Variants in RLBP1 observed in about 807,000 individuals in gnomAD.
The protein encoded by RLBP1 is retinaldehyde binding protein 1, also known as retinaldehyde-binding protein 1.
In RLBP1, 26 loss-of-function variants were observed where a neutral mutation model predicts 36.2. The ratio of observed to expected loss-of-function variants is 0.72; its 90% CI spans 0.53 to 1.00. RLBP1 has a LOEUF of 1.00. RLBP1 is among the 50% of genes least tolerant of loss of function. The probability of loss-of-function intolerance (pLI) is 0.00; values close to 1 mark genes in which losing one functional copy is unlikely to be tolerated. For synonymous variants in RLBP1, 155 were observed against 156.2 expected (o/e 0.99, Z 0.06); for missense variants, 410 against 402.4 (o/e 1.02, Z -0.16).
chr15:89,217,011 G>C (rs2051585690), intron 5 of RLBP1, 109 bp downstream of exon 5: 1 of 1,167,600 alleles, frequency 8.6e-7, no homozygotes, highest in South Asian at 1.3e-5. Context: ...CAGAGAAACT[G>C]ACTTGCCCAC....
rs370900681 is a variant in RLBP1, at chr15:89,210,648, G to T, written c.795+51C>A. On this transcript the variant is annotated intron_variant, in intron 8 of 8. Coordinates refer to ENST00000268125, the MANE Select transcript of RLBP1 (RefSeq NM_000326.5). The surrounding 1 kb of genome is among the most constrained non-coding windows in gnomAD (Gnocchi z 4.7). ...AGAGTGTGAGGAGGGCTCAGGTGAG[G>T]CCCCACCCTCAGCCCTCTTGTCTCA... is the stretch of plus-strand genomic sequence containing the variant. 11 of 1,387,924 alleles carry T rather than the reference G, an allele frequency of 7.9e-6. No individual in the cohort carries two copies. The African/African-American group carries it at 1.3e-4, about 16-fold the overall frequency. 86.0% of individuals were successfully genotyped at this position (1,387,924 alleles called of 1,614,324 possible).
rs2051559483 is a variant in RLBP1 at position 89,214,088 on chromosome 15, A to C, written c.525+972T>G. 6.6e-6 allele frequency among the ~76,000 whole-genome samples: 1 copy of C among 152,234 alleles called. No homozygotes were observed. Among genetic ancestry groups the C allele is most frequent in the South Asian group, 2.1e-4 (1 of 4,834 alleles). ...AGCACATACGAAAATATAAAACATG[A>C]TAAAGATGGCATTTCAAGTCATTGA... On this transcript the variant is annotated intron_variant, in intron 6 of 8. Coordinates refer to ENST00000268125, the MANE Select transcript of RLBP1 (RefSeq NM_000326.5). This position sits in a 1 kb window ranked among gnomAD's most constrained non-coding sequence, Gnocchi z 4.6.
rs943636493 is a variant in RLBP1 at position 89,210,645 on chromosome 15, G to A, written c.795+54C>T. ...GGTAGAGTGTGAGGAGGGCTCAGGT[G>A]AGGCCCCACCCTCAGCCCTCTTGTC... On this transcript the variant is annotated intron_variant, in intron 8 of 8. Transcript: ENST00000268125. This position sits in a 1 kb window ranked among gnomAD's most constrained non-coding sequence, Gnocchi z 4.7. The A allele has an allele frequency of 2.2e-6, 3 of 1,359,476 alleles. No individual in the cohort carries two copies. Among genetic ancestry groups the A allele is most frequent in the Middle Eastern group, 1.8e-4 (1 of 5,632 alleles). 84.2% of individuals were successfully genotyped at this position (1,359,476 alleles called of 1,614,324 possible).
At position 89,215,061 on chromosome 15, in the gene RLBP1, T is replaced by C. The variant is rs758640054; in HGVS notation, c.524A>G (p.Glu175Gly). Residue 175 changes from glutamate to glycine, a missense_variant and splice_region_variant, in exon 6 of 9, where the codon GAG becomes GGG. Transcript: ENST00000268125. ...GGAGCCAGGCGAGCCCCCACTAACC[T>C]CATCAAAGGTGATTTCTTGACTTTG... ...NWQSQEITFD[E>G]ILQAYCFILE... is the part of the protein sequence containing the mutation. The C allele has an allele frequency of 1.9e-6, 3 of 1,614,086 alleles. No individual in the cohort carries two copies. The highest frequency in any genetic ancestry group is 2.2e-5 in the South Asian group (2 of 91,084).
Position 89,218,598 on chromosome 15 carries a change from C to T in RLBP1, c.108G>A (p.Pro36=), listed in dbSNP as rs371167491. ...AGGTGTGGCGGGGCAGCTGGCTGCA[C>T]GGGCCAAAGACAGGTCCATGGTCCT... is the stretch of plus-strand genomic sequence containing the variant. The part of the protein sequence containing the change: ...TTKDHGPVFG[P]CSQLPRHTLQ... The change falls in exon 4 of 9, where the codon CCG becomes CCA. Residue 36 remains proline, a synonymous_variant. Transcript: ENST00000268125. The surrounding 1 kb of genome is among the most constrained non-coding windows in gnomAD (Gnocchi z 4.6). The T allele has an allele frequency of 2.0e-5, 33 of 1,614,028 alleles. No homozygotes were observed. Among genetic ancestry groups the T allele is most frequent in the Admixed American group, 3.3e-5 (2 of 60,000 alleles).
In RLBP1 at chr15:89,214,276, C is replaced by T. The variant is rs991643915; in HGVS notation, c.525+784G>A. Among the ~76,000 whole-genome samples, 2 of 152,102 alleles carry T rather than the reference C, an allele frequency of 1.3e-5. No individual in the cohort carries two copies. The highest frequency in any genetic ancestry group is 4.8e-5 in the African/African-American group (2 of 41,420). ...AGGAGTTTGAGACCAGCCTGGCCAACATGGTGAAACCCCGTCTCTACTAAA... is the reference window on the plus strand; with the variant it reads ...AGGAGTTTGAGACCAGCCTGGCCAATATGGTGAAACCCCGTCTCTACTAAA... On this transcript the variant is annotated intron_variant, in intron 6 of 8. Coordinates refer to ENST00000268125, the MANE Select transcript of RLBP1 (RefSeq NM_000326.5). The surrounding 1 kb of genome is among the most constrained non-coding windows in gnomAD (Gnocchi z 4.6).
At chr15:89,220,552 G>C (rs1490389976) in intron 1 of RLBP1, among the ~76,000 whole-genome samples, 1 of 152,158 alleles carries the variant, frequency 6.6e-6, no homozygotes, top group Non-Finnish European at 1.5e-5. Flanking sequence ...CACACCCCCA[G>C]CAAGCACAGG....
At position 89,214,379 on chromosome 15, in the gene RLBP1, C is replaced by T. The variant is rs1440539779; in HGVS notation, c.525+681G>A. Among the ~76,000 whole-genome samples, 6 of 152,246 alleles carry T rather than the reference C, an allele frequency of 3.9e-5. No homozygotes were observed. The highest frequency in any genetic ancestry group is 1.2e-4 in the African/African-American group (5 of 41,544). ...GGAAGGCTGAGGCTTGAGGATCGCT[C>T]GAACCCAGGAGGCGGAGGTTGCAGT... On this transcript the variant is annotated intron_variant, in intron 6 of 8. Coordinates refer to ENST00000268125, the MANE Select transcript of RLBP1 (RefSeq NM_000326.5). This position sits in a 1 kb window ranked among gnomAD's most constrained non-coding sequence, Gnocchi z 4.6.
At position 89,214,551 on chromosome 15, in the gene RLBP1, G is replaced by T. The variant is rs1210024747; in HGVS notation, c.525+509C>A. Among the ~76,000 whole-genome samples the T allele has an allele frequency of 6.6e-6, 1 of 152,136 alleles. No individual in the cohort carries two copies. The highest frequency in any genetic ancestry group is 1.5e-5 in the Non-Finnish European group (1 of 68,024). ...TTCAGGCTCAGTGGCGCATGCCAAA[G>T]TTCTCCCAAGACAAACCCTAATTCC... On this transcript the variant is annotated intron_variant, in intron 6 of 8. Coordinates refer to ENST00000268125, the MANE Select transcript of RLBP1 (RefSeq NM_000326.5). This position sits in a 1 kb window ranked among gnomAD's most constrained non-coding sequence, Gnocchi z 4.6.
Position 89,218,852 on chromosome 15 carries a change from GC to G in RLBP1, c.12+111del, listed in dbSNP as rs983616490. ...CCACACAGGGGTTATAGAAGTGTGT[GC>G]CTATATTCCCGGGCAGAGCATAAGA... is the stretch of plus-strand genomic sequence containing the variant. On this transcript the variant is annotated intron_variant, in intron 3 of 8. Coordinates refer to ENST00000268125, the MANE Select transcript of RLBP1 (RefSeq NM_000326.5). This position sits in a 1 kb window ranked among gnomAD's most constrained non-coding sequence, Gnocchi z 4.6. The G allele has an allele frequency of 7.3e-6, 11 of 1,497,682 alleles. No individual in the cohort carries two copies. The highest frequency in any genetic ancestry group is 1.0e-5 in the Non-Finnish European group (11 of 1,084,074). 92.8% of individuals were successfully genotyped at this position (1,497,682 alleles called of 1,614,324 possible). A position where few individuals can be genotyped will look rare whatever the true frequency, so the allele number is the denominator to read the frequency against.
intron 6 of RLBP1, among the ~76,000 whole-genome samples, chr15:89,213,014 T>G (rs2051551279): frequency 1.3e-5 from 2 of 152,330 alleles, no homozygotes; most frequent in South Asian, 4.1e-4. Flanking sequence ...ATTACAGGCA[T>G]GAGCCACTGC....
In RLBP1 at chr15:89,210,977, G is replaced by A. The variant is rs1037742501; in HGVS notation, c.685-168C>T. On this transcript the variant is annotated intron_variant, in intron 7 of 8. Transcript: ENST00000268125. This position sits in a 1 kb window ranked among gnomAD's most constrained non-coding sequence, Gnocchi z 4.7. Reference sequence around the variant, plus strand: ...TCCTATTTCCAGGCCAGCAACTAGGGATCCCTGGCTCACTGTGGCCCAGAC... The same window carrying A: ...TCCTATTTCCAGGCCAGCAACTAGGAATCCCTGGCTCACTGTGGCCCAGAC... 6.6e-6 allele frequency among the ~76,000 whole-genome samples: 1 copy of A among 152,146 alleles called. No individual in the cohort carries two copies. The highest frequency in any genetic ancestry group is 1.5e-5 in the Non-Finnish European group (1 of 68,030).
At chr15:89,212,887 C>A (rs895791808) in intron 6 of RLBP1, among the ~76,000 whole-genome samples, 1 of 151,824 alleles carries the variant, frequency 6.6e-6, no homozygotes, top group East Asian at 2.0e-4. Context: ...TGCCACCATG[C>A]CTGGCTAATT....
intron 5 of RLBP1, among the ~76,000 whole-genome samples, chr15:89,216,148 C>T (rs375770580): frequency 4.7e-4 from 72 of 152,178 alleles, no homozygotes; most frequent in African/African-American, 1.7e-3. Context: ...TTTGTCTCCA[C>T]TGCATCCCTT....
rs368410691 is a variant in RLBP1 at position 89,215,056 on chromosome 15, T to C, written c.525+4A>G. 93 of 1,614,036 alleles carry C rather than the reference T, an allele frequency of 5.8e-5. No individual in the cohort carries two copies. Among genetic ancestry groups the C allele is most frequent in the Non-Finnish European group, 6.9e-5 (82 of 1,180,008 alleles). ...GGGTGGGAGCCAGGCGAGCCCCCACTAACCTCATCAAAGGTGATTTCTTGA... is the reference window on the plus strand; with the variant it reads ...GGGTGGGAGCCAGGCGAGCCCCCACCAACCTCATCAAAGGTGATTTCTTGA... On this transcript the variant is annotated splice_donor_region_variant and intron_variant, in intron 6 of 8. Coordinates refer to ENST00000268125, the MANE Select transcript of RLBP1 (RefSeq NM_000326.5).
rs1024138582 is a variant in RLBP1 at position 89,214,235 on chromosome 15, C to T, written c.525+825G>A. ...CAGCACTTTGGGAGGCCGAGGTGGG[C>T]GGATCACTTGAGCTCAGGAGTTTGA... is the stretch of plus-strand genomic sequence containing the variant. On this transcript the variant is annotated intron_variant, in intron 6 of 8. Coordinates refer to ENST00000268125, the MANE Select transcript of RLBP1 (RefSeq NM_000326.5). The surrounding 1 kb of genome is among the most constrained non-coding windows in gnomAD (Gnocchi z 4.6). 2.6e-5 allele frequency among the ~76,000 whole-genome samples: 4 copies of T among 151,954 alleles called. No homozygotes were observed. The highest frequency in any genetic ancestry group is 2.0e-4 in the Admixed American group (3 of 15,236).
chr15:89,214,977 C>A lies in RLBP1; in HGVS notation c.525+83G>T. 6.9e-7 allele frequency: 1 copy of A among 1,445,896 alleles called. No individual in the cohort carries two copies. Among genetic ancestry groups the A allele is most frequent in the Admixed American group, 1.7e-5 (1 of 59,698 alleles). The allele number at this position is 1,445,896 out of a possible 1,614,324, so 89.6% of individuals were successfully genotyped here. A position where few individuals can be genotyped will look rare whatever the true frequency, so the allele number is the denominator to read the frequency against. ...TCTACAGACCTTGCCTCCTGGAGAA[C>A]CAGGAATGAGGGCCCAGTAGAGGCC... On this transcript the variant is annotated intron_variant, in intron 6 of 8. Coordinates refer to ENST00000268125, the MANE Select transcript of RLBP1 (RefSeq NM_000326.5). This position sits in a 1 kb window ranked among gnomAD's most constrained non-coding sequence, Gnocchi z 4.6.
In RLBP1 at chr15:89,211,905, G is replaced by C. The variant is rs1200459832; in HGVS notation, c.526-4C>G. 1.2e-6 allele frequency: 2 copies of C among 1,614,032 alleles called. No individual in the cohort carries two copies. The highest frequency in any genetic ancestry group is 2.7e-5 in the African/African-American group (2 of 74,934). ...TGAAGCAATATGCCTGCAAGATCTT[G>C]GGCACAGAGAGAACAGGCTGTAAGA... is the stretch of plus-strand genomic sequence containing the variant. On this transcript the variant is annotated splice_region_variant and splice_polypyrimidine_tract_variant and intron_variant, in intron 6 of 8. Coordinates refer to ENST00000268125, the MANE Select transcript of RLBP1 (RefSeq NM_000326.5). The surrounding 1 kb of genome is among the most constrained non-coding windows in gnomAD (Gnocchi z 5.8).
chr15:89,216,189 C>T (rs2051577959), intron 5 of RLBP1, among the ~76,000 whole-genome samples: 1 of 152,104 alleles, frequency 6.6e-6, no homozygotes, highest in African/African-American at 2.4e-5. Context: ...ACAGCATGGC[C>T]CTGAATTACC....
Sources: allele counts gnomAD v4.1 joint callset (sites outside exome capture counted in the v4.1 genomes callset), GRCh38; gene constraint gnomAD v4.1.1; non-coding constraint Gnocchi (gnomAD v3.1); transcripts MANE v1.5; gene names NCBI Gene and HGNC (gene_info 2026-07-23, HGNC 2026-07-21).